Variants in SPRED1 observed in about 807,000 individuals in gnomAD.
SPRED1 encodes the protein sprouty-related, EVH1 domain-containing protein 1.
Under a neutral mutation model 52.3 loss-of-function variants are expected in SPRED1, and 18 were observed. The ratio of observed to expected loss-of-function variants is 0.34; its 90% CI spans 0.24 to 0.51. The LOEUF (loss-of-function observed/expected upper bound fraction) is 0.51. Among genes scored for constraint, SPRED1 ranks in the 20% least tolerant of loss-of-function variants. The probability of loss-of-function intolerance (pLI) is 0.97; values close to 1 mark genes in which losing one functional copy is unlikely to be tolerated. For missense variants in SPRED1, 485 were observed against 551.0 expected, an observed-to-expected ratio of 0.88 and a Z score of 1.20; for synonymous variants, 155 against 179.7, an observed-to-expected ratio of 0.86 and a Z score of 1.10.
intron 2 of SPRED1, among the ~76,000 whole-genome samples, chr15:38,309,243 C>T (rs1032087874): frequency 3.3e-5 from 5 of 152,156 alleles, no homozygotes; most frequent in Admixed American, 6.5e-5. Context: ...CGGGTTCAAA[C>T]GATTCTCCTG....
rs572998630 is a variant in SPRED1 at position 38,315,765 on chromosome 15, A to G, written c.208-6476A>G. On this transcript the variant is annotated intron_variant, in intron 2 of 6. Coordinates refer to ENST00000299084, the MANE Select transcript of SPRED1 (RefSeq NM_152594.3). ...AACACCTCTGTCTCCATACTCAAAA[A>G]TCCTCTTCATAAATAATGATCTCCC... 2.0e-5 allele frequency among the ~76,000 whole-genome samples: 3 copies of G among 152,008 alleles called. No individual in the cohort carries two copies. In the East Asian group the frequency reaches 5.8e-4, roughly 29 times the overall value.
At chr15:38,260,927 A>G (rs2054266634) in intron 1 of SPRED1, among the ~76,000 whole-genome samples, 1 of 152,214 alleles carries the variant, frequency 6.6e-6, no homozygotes, top group African/African-American at 2.4e-5. Context: ...TAACAGTTCC[A>G]AAAGAAGAGA....
chr15:38,305,718 T>A (rs1895239782), intron 2 of SPRED1, among the ~76,000 whole-genome samples: 1 of 152,172 alleles, frequency 6.6e-6, no homozygotes, highest in African/African-American at 2.4e-5. Flanking sequence ...TAAGATCTTA[T>A]GTTTTAGTTT....
At chr15:38,340,490 TGC>T (rs1896005634) in intron 5 of SPRED1, among the ~76,000 whole-genome samples, 1 of 152,138 alleles carries the variant, frequency 6.6e-6, no homozygotes, top group East Asian at 1.9e-4. Flanking sequence ...TTTTTAAGTC[TGC>T]GCTTATAAAA....
intron 5 of SPRED1, among the ~76,000 whole-genome samples, chr15:38,341,194 G>C (rs902522998): frequency 6.6e-6 from 1 of 151,852 alleles, no homozygotes; most frequent in East Asian, 1.9e-4. Flanking sequence ...CTGAAAATAA[G>C]TGCCTTCTCT....
chr15:38,350,774 G>A (rs1466582559), intron 6 of SPRED1, among the ~76,000 whole-genome samples: 5 of 152,168 alleles, frequency 3.3e-5, no homozygotes, highest in Non-Finnish European at 7.4e-5. Context: ...TGCTCAGGGG[G>A]AGCTCAGTCT....
In SPRED1 at chr15:38,312,666, G is replaced by A. The variant is rs114424199; in HGVS notation, c.208-9575G>A. On this transcript the variant is annotated intron_variant, in intron 2 of 6. Transcript: ENST00000299084. ...CGTTGCTTTCTAGTCATTCACTTTC[G>A]TTAATAGTTACAGGTCTCTAATGGT... is the stretch of plus-strand genomic sequence containing the variant. 4.1e-3 allele frequency among the ~76,000 whole-genome samples: 625 copies of A among 152,022 alleles called. 4 individuals carry two copies. The highest frequency in any genetic ancestry group is 0.014 in the African/African-American group (601 of 41,484).
chr15:38,346,916 A>G (rs573204162), intron 5 of SPRED1, among the ~76,000 whole-genome samples: 1 of 152,276 alleles, frequency 6.6e-6, no homozygotes, highest in East Asian at 1.9e-4. Context: ...TTTTAACTGC[A>G]TGCTTTCATA....
intron 1 of SPRED1, among the ~76,000 whole-genome samples, chr15:38,277,099 A>C (rs1052269635): frequency 6.6e-6 from 1 of 152,218 alleles, no homozygotes; most frequent in Non-Finnish European, 1.5e-5. Flanking sequence ...AAGTAAATTT[A>C]TTAAAATTTC....
chr15:38,346,313 CAA>C (rs59137914), intron 5 of SPRED1, among the ~76,000 whole-genome samples: 18,186 of 146,936 alleles, frequency 0.12, 1,851 homozygotes, highest in East Asian at 0.54. Context: ...GACCTTGTCT[CAA>C]AAAAAAAAAA....
At chr15:38,290,685 A>C (rs1299706958) in intron 1 of SPRED1, among the ~76,000 whole-genome samples, 6 of 152,202 alleles carry the variant, frequency 3.9e-5, no homozygotes, top group Non-Finnish European at 5.9e-5. Context: ...AAGAAAAATG[A>C]GGAAGAAGCA....
At chr15:38,284,372 C>A (rs751189637) in intron 1 of SPRED1, among the ~76,000 whole-genome samples, 8 of 152,088 alleles carry the variant, frequency 5.3e-5, no homozygotes, top group Non-Finnish European at 1.0e-4. Flanking sequence ...TGTTACATTT[C>A]TGGGTCTAAA....
intron 1 of SPRED1, among the ~76,000 whole-genome samples, chr15:38,283,848 A>G (rs1357156735): frequency 2.0e-5 from 3 of 152,172 alleles, no homozygotes; most frequent in African/African-American, 7.2e-5. Context: ...TATTCAAAAT[A>G]GATTAGGTAG....
At position 38,352,241 on chromosome 15, in the gene SPRED1, GAT is replaced by G. The variant is rs147547509; in HGVS notation, c.*594_*595del. On this transcript the variant is annotated 3_prime_UTR_variant, in exon 7 of 7. Transcript: ENST00000299084. ...TCTTCCCCTTCCTAGTTCTGAAGTA[GAT>G]ATATATATATATATATCTACTGTCA... 156 of 148,358 alleles carry G rather than the reference GAT, an allele frequency of 1.1e-3. No individual in the cohort carries two copies. Among genetic ancestry groups the G allele is most frequent in the African/African-American group, 5.0e-4 (20 of 40,388 alleles). 9.2% of individuals were successfully genotyped at this position (148,358 alleles called of 1,614,324 possible).
intron 2 of SPRED1, among the ~76,000 whole-genome samples, chr15:38,317,652 T>A (rs1375345501): frequency 6.6e-6 from 1 of 151,956 alleles, no homozygotes; most frequent in Non-Finnish European, 1.5e-5. Context: ...TCTGATATAG[T>A]TGAGAAGGGA....
At chr15:38,255,806 T>G (rs1470299571) in intron 1 of SPRED1, among the ~76,000 whole-genome samples, 1 of 152,128 alleles carries the variant, frequency 6.6e-6, no homozygotes, top group Admixed American at 6.5e-5. Flanking sequence ...TTTCTCTTTT[T>G]TAAAGCCATT....
intron 1 of SPRED1, among the ~76,000 whole-genome samples, chr15:38,257,755 G>A (rs1290113925): frequency 6.6e-6 from 1 of 152,150 alleles, no homozygotes; most frequent in African/African-American, 2.4e-5. Flanking sequence ...TTTCCCCCAT[G>A]GTTCCACATT....
In SPRED1 at chr15:38,356,964, A is replaced by C. The variant is rs1205886388; in HGVS notation, c.*5300A>C. 1 of 152,162 alleles carries C rather than the reference A, an allele frequency of 6.6e-6. No homozygotes were observed. 9.4% of individuals were successfully genotyped at this position (152,162 alleles called of 1,614,324 possible). ...TTATGAAATGTAGTCTCATGTGCTTATTTACAGGTTTTTCAGAATTTGCTT... is the reference window on the plus strand; with the variant it reads ...TTATGAAATGTAGTCTCATGTGCTTCTTTACAGGTTTTTCAGAATTTGCTT... On this transcript the variant is annotated 3_prime_UTR_variant, in exon 7 of 7. Transcript: ENST00000299084.
intron 1 of SPRED1, among the ~76,000 whole-genome samples, chr15:38,264,536 A>G (rs186800056): frequency 6.7e-6 from 1 of 150,154 alleles, no homozygotes; most frequent in African/African-American, 2.4e-5. Context: ...GATGAAGGTT[A>G]TTGGAGAAGC....
Sources: gnomAD v4.1 joint callset for allele counts (sites outside exome capture counted in the v4.1 genomes callset) on GRCh38, gnomAD v4.1.1 for gene constraint, MANE v1.5 for transcripts, NCBI Gene and HGNC (gene_info 2026-07-23, HGNC 2026-07-21) for gene names.